The following ARHGAP24 variants were observed in gnomAD, a reference collection of about 807,000 sequenced individuals.
ARHGAP24 encodes Rho GTPase activating protein 24.
ARHGAP24 carries 50 observed loss-of-function variants against 76.4 expected under a neutral mutation model. The observed-to-expected ratio is 0.65, with a 90% CI of 0.52 to 0.83. The LOEUF is 0.83. ARHGAP24 is among the 40% of genes least tolerant of loss of function. The pLI is 0.00. For synonymous variants in ARHGAP24, 345 were observed against 323.3 expected (o/e 1.07, Z -0.72); for missense variants, 930 against 914.2 (o/e 1.02, Z -0.22).
At chr4:85,542,617 G>A (rs537153326) in intron 1 of ARHGAP24, among the ~76,000 whole-genome samples, 3 of 152,220 alleles carry the variant, frequency 2.0e-5, no homozygotes, top group African/African-American at 7.2e-5. Context: ...CATGCTTAGA[G>A]CTAACTATAT....
chr4:85,738,367 TTTATTATTATTATTA>T (rs58504018), intron 3 of ARHGAP24, among the ~76,000 whole-genome samples: 112 of 144,092 alleles, frequency 7.8e-4, no homozygotes, highest in African/African-American at 2.3e-3. Context: ...CATTTGGGCT[TTTATTATTATTATTA>T]TTATTATTAT....
At chr4:85,756,208 TAATAAA>T (rs1560617758) in intron 3 of ARHGAP24, among the ~76,000 whole-genome samples, 1 of 151,912 alleles carries the variant, frequency 6.6e-6, no homozygotes, top group Non-Finnish European at 1.5e-5. Flanking sequence ...TCTTAATAGT[TAATAAA>T]GTAGCTGATT....
intron 5 of ARHGAP24, among the ~76,000 whole-genome samples, chr4:85,950,814 G>A (rs999211229): frequency 6.6e-6 from 1 of 151,928 alleles, no homozygotes; most frequent in Admixed American, 6.6e-5. Context: ...GAGATTACAG[G>A]TGCATGCCAC....
chr4:85,609,564 C>T (rs1720313467), intron 2 of ARHGAP24, among the ~76,000 whole-genome samples: 1 of 152,092 alleles, frequency 6.6e-6, no homozygotes, highest in African/African-American at 2.4e-5. Context: ...GGAATGACTT[C>T]AGTTGTTTTC....
chr4:85,768,732 G>A (rs902198256), intron 3 of ARHGAP24, among the ~76,000 whole-genome samples: 5 of 152,106 alleles, frequency 3.3e-5, no homozygotes, highest in Non-Finnish European at 5.9e-5. Flanking sequence ...AGCTGAGATC[G>A]TGCCACTGCA....
chr4:85,645,543 A>G (rs1167240930), intron 2 of ARHGAP24, among the ~76,000 whole-genome samples: 1 of 152,100 alleles, frequency 6.6e-6, no homozygotes, highest in Non-Finnish European at 1.5e-5. Context: ...TGAATATAGT[A>G]TTTGTGTAAG....
chr4:85,942,280 G>A lies in ARHGAP24; in HGVS notation c.599+7G>A, dbSNP rs1254483283. ...AGAAGCCATCATTTGACAGGTAGATGTCACAATTTTACTAGCCATCTTCAC... is the reference window on the plus strand; with the variant it reads ...AGAAGCCATCATTTGACAGGTAGATATCACAATTTTACTAGCCATCTTCAC... On this transcript the variant is annotated splice_region_variant and intron_variant, in intron 5 of 9. Transcript: ENST00000395184. 2.5e-6 allele frequency: 4 copies of A among 1,613,766 alleles called. No individual in the cohort carries two copies. The highest frequency in any genetic ancestry group is 1.7e-5 in the Admixed American group (1 of 59,996).
At chr4:85,799,329 C>A (rs1160880765) in intron 3 of ARHGAP24, among the ~76,000 whole-genome samples, 1 of 151,544 alleles carries the variant, frequency 6.6e-6, no homozygotes, top group African/African-American at 2.4e-5. Context: ...AAACAAAAAA[C>A]AAAAACAGTG....
intron 2 of ARHGAP24, among the ~76,000 whole-genome samples, chr4:85,703,687 C>A (rs1337624971): frequency 6.6e-6 from 1 of 152,140 alleles, no homozygotes; most frequent in Non-Finnish European, 1.5e-5. Context: ...TTGAACTTCT[C>A]AACCTCCAGA....
chr4:85,843,012 T>C (rs1730692016), intron 3 of ARHGAP24, among the ~76,000 whole-genome samples: 1 of 152,232 alleles, frequency 6.6e-6, no homozygotes, highest in Non-Finnish European at 1.5e-5. Flanking sequence ...TTACTCCTAT[T>C]GATAATGCTA....
At chr4:85,735,765 C>A (rs975096506) in intron 3 of ARHGAP24, among the ~76,000 whole-genome samples, 1 of 152,050 alleles carries the variant, frequency 6.6e-6, no homozygotes, top group African/African-American at 2.4e-5. Flanking sequence ...TACACTGTAG[C>A]CAGAGTGATA....
intron 8 of ARHGAP24, 122 bp from the exon 9 acceptor site, chr4:85,994,461 T>C (rs190197781): frequency 7.2e-6 from 7 of 965,908 alleles, no homozygotes; most frequent in South Asian, 4.1e-5. Context: ...GTTAAGAATA[T>C]GGTTTGGTAC....
intron 3 of ARHGAP24, among the ~76,000 whole-genome samples, chr4:85,890,069 G>A (rs1338814399): frequency 1.3e-5 from 2 of 152,092 alleles, no homozygotes; most frequent in African/African-American, 4.8e-5. Flanking sequence ...GGAAAGCAAA[G>A]ATTCCCTGTT....
intron 3 of ARHGAP24, chr4:85,722,263 G>C (rs1578171624): frequency 2.8e-6 from 1 of 359,016 alleles, no homozygotes; most frequent in East Asian, 6.3e-5. Context: ...AGATGAATTT[G>C]ATTTTACAGC....
At chr4:85,486,904 A>G (rs930712652) in intron 1 of ARHGAP24, among the ~76,000 whole-genome samples, 3 of 151,634 alleles carry the variant, frequency 2.0e-5, no homozygotes, top group Non-Finnish European at 4.4e-5. Flanking sequence ...GCTCCTCCTG[A>G]ACTTGTGCTG....
intron 3 of ARHGAP24, among the ~76,000 whole-genome samples, chr4:85,826,150 G>A (rs542788567): frequency 4.0e-5 from 6 of 151,642 alleles, no homozygotes; most frequent in East Asian, 1.9e-4. Flanking sequence ...TCTGTTCCCC[G>A]CCCCTCTCCA....
At chr4:85,478,100 G>A (rs1431399322) in intron 1 of ARHGAP24, among the ~76,000 whole-genome samples, 1 of 152,208 alleles carries the variant, frequency 6.6e-6, no homozygotes, top group Non-Finnish European at 1.5e-5. Flanking sequence ...TTGGTTACAT[G>A]TGGGTGTGGA....
chr4:85,703,551 T>G (rs1475073513), intron 2 of ARHGAP24, among the ~76,000 whole-genome samples: 2 of 152,060 alleles, frequency 1.3e-5, no homozygotes, highest in Non-Finnish European at 2.9e-5. Context: ...AAGAATGAGA[T>G]TTGTGCCCTT....
intron 2 of ARHGAP24, among the ~76,000 whole-genome samples, chr4:85,584,680 A>G (rs1370401611): frequency 6.6e-6 from 1 of 152,188 alleles, no homozygotes; most frequent in South Asian, 2.1e-4. Context: ...AAATAAGTCC[A>G]GGAAGGAAAA....
Sources: allele counts gnomAD v4.1 joint callset (sites outside exome capture counted in the v4.1 genomes callset), GRCh38; gene constraint gnomAD v4.1.1; transcripts MANE v1.5; gene names NCBI Gene and HGNC (gene_info 2026-07-23, HGNC 2026-07-21).